PURA: variants seen among roughly 807,000 people sequenced by gnomAD.
The protein encoded by PURA is purine rich element binding protein A.
In PURA, 2 loss-of-function variants were observed where a neutral mutation model predicts 23.1. The observed-to-expected ratio is 0.09, with a 90% CI of 0.04 to 0.27. The LOEUF (loss-of-function observed/expected upper bound fraction) is 0.27. Ranked by LOEUF, PURA falls within the 10% of genes least tolerant of loss-of-function variation. The pLI is 1.00. For synonymous variants in PURA, 254 were observed against 205.9 expected, an observed-to-expected ratio of 1.23 and a Z score of -2.00; for missense variants, 187 against 449.7, an observed-to-expected ratio of 0.42 and a Z score of 5.28.
rs1763100824 is a variant in PURA, at chr5:140,117,581, A to G, written c.*2431A>G. The G allele has an allele frequency of 6.0e-6, 1 of 167,042 alleles. No homozygotes were observed. The highest frequency in any genetic ancestry group is 2.1e-4 in the South Asian group (1 of 4,824). The allele number at this position is 167,042 out of a possible 1,614,324, so 10.3% of individuals were successfully genotyped here. A position where few individuals can be genotyped will look rare whatever the true frequency, so the allele number is the denominator to read the frequency against. On this transcript the variant is annotated 3_prime_UTR_variant, in exon 1 of 1. Coordinates refer to ENST00000331327, the MANE Select transcript of PURA (RefSeq NM_005859.5). Reference sequence around the variant, plus strand: ...ATAGTAGCCAGCAATAAGTAGTGCAAGTCAACAAAAACACAGCAAACTTAG... The same window carrying G: ...ATAGTAGCCAGCAATAAGTAGTGCAGGTCAACAAAAACACAGCAAACTTAG...
chr5:140,115,182 CATGCAT>C lies in PURA; in HGVS notation c.*34_*39del. ...TGAATGAAACCCCCACACACACACA[CATGCAT>C]ACACACACACACACAGCCACACACA... On this transcript the variant is annotated 3_prime_UTR_variant, in exon 1 of 1. Transcript: ENST00000331327. The surrounding 1 kb of genome is among the most constrained non-coding windows in gnomAD (Gnocchi z 4.1). The C allele has an allele frequency of 2.6e-5, 31 of 1,174,502 alleles. No individual in the cohort carries two copies. Among genetic ancestry groups the C allele is most frequent in the Non-Finnish European group, 3.1e-5 (26 of 838,662 alleles). The allele number at this position is 1,174,502 out of a possible 1,614,324, so 72.8% of individuals were successfully genotyped here.
chr5:140,115,363 GTCCACTTTA>G lies in PURA; in HGVS notation c.*219_*227del, dbSNP rs1400827138. On this transcript the variant is annotated 3_prime_UTR_variant, in exon 1 of 1. Transcript: ENST00000331327. This position sits in a 1 kb window ranked among gnomAD's most constrained non-coding sequence, Gnocchi z 4.1. ...GACTTGCCACCCATCGCTGGATGTT[GTCCACTTTA>G]TCCACCATATAAAACAGTAAGCAGC... is the stretch of plus-strand genomic sequence containing the variant. 2.5e-6 allele frequency: 1 copy of G among 403,348 alleles called. No individual in the cohort carries two copies. Among genetic ancestry groups the G allele is most frequent in the Non-Finnish European group, 4.5e-6 (1 of 221,156 alleles). The allele number at this position is 403,348 out of a possible 1,614,324, so 25.0% of individuals were successfully genotyped here. A position where few individuals can be genotyped will look rare whatever the true frequency, so the allele number is the denominator to read the frequency against.
rs1460214736 is a variant in PURA, at chr5:140,123,702, G to A, written c.*8552G>A. The A allele has an allele frequency of 6.0e-6, 1 of 166,872 alleles. No homozygotes were observed. The highest frequency in any genetic ancestry group is 2.4e-5 in the African/African-American group (1 of 41,438). The allele number at this position is 166,872 out of a possible 1,614,324, so 10.3% of individuals were successfully genotyped here. ...AACTGTTTAAATAGACAAAGTTAAA[G>A]CTTAGGATAGGGAATATATATGTAT... On this transcript the variant is annotated 3_prime_UTR_variant, in exon 1 of 1. Transcript: ENST00000331327.
In PURA at chr5:140,120,217, TACAC is replaced by T. The variant is rs1386189456; in HGVS notation, c.*5069_*5072del. ...TTGGAGAGAGATGTATACACACACATACACATATATATGTATATATACATTGTGT... is the reference window on the plus strand; with the variant it reads ...TTGGAGAGAGATGTATACACACACATATATATATGTATATATACATTGTGT... On this transcript the variant is annotated 3_prime_UTR_variant, in exon 1 of 1. Coordinates refer to ENST00000331327, the MANE Select transcript of PURA (RefSeq NM_005859.5). 3 of 166,734 alleles carry T rather than the reference TACAC, an allele frequency of 1.8e-5. No homozygotes were observed. Among genetic ancestry groups the T allele is most frequent in the Non-Finnish European group, 4.4e-5 (3 of 67,924 alleles). 10.3% of individuals were successfully genotyped at this position (166,734 alleles called of 1,614,324 possible). A position where few individuals can be genotyped will look rare whatever the true frequency, so the allele number is the denominator to read the frequency against.
At position 140,121,087 on chromosome 5, in the gene PURA, C is replaced by T. The variant is rs1275359761; in HGVS notation, c.*5937C>T. On this transcript the variant is annotated 3_prime_UTR_variant, in exon 1 of 1. Transcript: ENST00000331327. The stretch of plus-strand genomic sequence containing the variant: ...TGTTTTGATAATTATTAGCAATTAG[C>T]TTATTTTGTAGCATTAGATGGAAAA... The T allele has an allele frequency of 1.2e-5, 2 of 166,878 alleles. No individual in the cohort carries two copies. Among genetic ancestry groups the T allele is most frequent in the African/African-American group, 4.8e-5 (2 of 41,426 alleles). 10.3% of individuals were successfully genotyped at this position (166,878 alleles called of 1,614,324 possible).
chr5:140,114,309 G>T lies in PURA; in HGVS notation c.128G>T (p.Ser43Ile). The change falls in exon 1 of 1, where the codon AGT becomes ATT. Residue 43 changes from serine (S) to isoleucine (I), a missense_variant. By Grantham distance (142) the Ser-to-Ile change is moderately radical. Coordinates refer to ENST00000331327, the MANE Select transcript of PURA (RefSeq NM_005859.5). ...GGGGGGGGGG[S>I]GGGGGGAPGG... Reference sequence around the variant, plus strand: ...GGTGGCGGCGGGGGCGGCGGCGGCAGTGGCGGCGGCGGCGGCGGGGCCCCA... The same window carrying T: ...GGTGGCGGCGGGGGCGGCGGCGGCATTGGCGGCGGCGGCGGCGGGGCCCCA... 7.7e-7 allele frequency: 1 copy of T among 1,303,760 alleles called. No individual in the cohort carries two copies. Among genetic ancestry groups the T allele is most frequent in the Non-Finnish European group, 9.7e-7 (1 of 1,033,296 alleles). 80.8% of individuals were successfully genotyped at this position (1,303,760 alleles called of 1,614,324 possible). A position where few individuals can be genotyped will look rare whatever the true frequency, so the allele number is the denominator to read the frequency against.
rs1763113098 is a variant in PURA at position 140,118,379 on chromosome 5, T to C, written c.*3229T>C. 2 of 167,024 alleles carry C rather than the reference T, an allele frequency of 1.2e-5. No individual in the cohort carries two copies. Among genetic ancestry groups the C allele is most frequent in the Non-Finnish European group, 2.9e-5 (2 of 68,066 alleles). 10.3% of individuals were successfully genotyped at this position (167,024 alleles called of 1,614,324 possible). On this transcript the variant is annotated 3_prime_UTR_variant, in exon 1 of 1. Transcript: ENST00000331327. ...CAGAGATCAGCCACCAGATTTGAAA[T>C]GCTTATGTATGTGTGTGTGTTTGGA...
rs1447203473 is a variant in PURA, at chr5:140,115,091, G to C, written c.910G>C (p.Glu304Gln). Residue 304 changes from glutamate (E) to glutamine (Q), a missense_variant, in exon 1 of 1, where the codon GAG (glutamate) becomes CAG (glutamine). By Grantham distance (29) the Glu-to-Gln change is conservative. Around this residue, in one of 9 missense-constraint regions of PURA, gnomAD observed 65 missense variants for 158.6 expected, o/e 0.41. Coordinates refer to ENST00000331327, the MANE Select transcript of PURA (RefSeq NM_005859.5). This position sits in a 1 kb window ranked among gnomAD's most constrained non-coding sequence, Gnocchi z 4.1. ...QLHQQQQQQQ[E>Q]ETAAATLLLQ... ...TCACCAGCAGCAACAGCAGCAGCAG[G>C]AGGAGACCGCCGCTGCCACCCTGCT... The C allele has an allele frequency of 2.5e-6, 4 of 1,610,924 alleles. No individual in the cohort carries two copies. The highest frequency in any genetic ancestry group is 1.7e-6 in the Non-Finnish European group (2 of 1,178,670).
rs1763109933 is a variant in PURA, at chr5:140,118,099, A to G, written c.*2949A>G. On this transcript the variant is annotated 3_prime_UTR_variant, in exon 1 of 1. Coordinates refer to ENST00000331327, the MANE Select transcript of PURA (RefSeq NM_005859.5). ...TAGTTGGTAAACCCTGTTTATGCTG[A>G]AACAAATAAGGAAATGGTATATTTG... is the stretch of plus-strand genomic sequence containing the variant. 6.0e-6 allele frequency: 1 copy of G among 166,774 alleles called. No homozygotes were observed. The highest frequency in any genetic ancestry group is 2.4e-5 in the African/African-American group (1 of 41,430). 10.3% of individuals were successfully genotyped at this position (166,774 alleles called of 1,614,324 possible). A position where few individuals can be genotyped will look rare whatever the true frequency, so the allele number is the denominator to read the frequency against.
rs1371464454 is a variant in PURA, at chr5:140,122,313, G to A, written c.*7163G>A. 1 of 166,440 alleles carries A rather than the reference G, an allele frequency of 6.0e-6. No homozygotes were observed. Among genetic ancestry groups the A allele is most frequent in the South Asian group, 2.1e-4 (1 of 4,814 alleles). 10.3% of individuals were successfully genotyped at this position (166,440 alleles called of 1,614,324 possible). Reference sequence around the variant, plus strand: ...ATCACACATACTATCTATTTTCTTGGGCTCTTGTTACAATGTAGTTTACCT... The same window carrying A: ...ATCACACATACTATCTATTTTCTTGAGCTCTTGTTACAATGTAGTTTACCT... On this transcript the variant is annotated 3_prime_UTR_variant, in exon 1 of 1. Transcript: ENST00000331327.
In PURA at chr5:140,116,657, TTTAA is replaced by T. The variant is rs1389251454; in HGVS notation, c.*1510_*1513del. ...TTTCCTTTAAAGATGTTTGTGTGCT[TTTAA>T]TTGACAACTAACTTCTTGCTGCTGT... On this transcript the variant is annotated 3_prime_UTR_variant, in exon 1 of 1. Coordinates refer to ENST00000331327, the MANE Select transcript of PURA (RefSeq NM_005859.5). The T allele has an allele frequency of 1.2e-5, 2 of 167,018 alleles. No individual in the cohort carries two copies. The highest frequency in any genetic ancestry group is 2.9e-5 in the Non-Finnish European group (2 of 68,104). 10.3% of individuals were successfully genotyped at this position (167,018 alleles called of 1,614,324 possible).
chr5:140,117,916 T>A lies in PURA; in HGVS notation c.*2766T>A, dbSNP rs1763106341. 1 of 167,088 alleles carries A rather than the reference T, an allele frequency of 6.0e-6. No individual in the cohort carries two copies. The highest frequency in any genetic ancestry group is 2.4e-5 in the African/African-American group (1 of 41,556). 10.4% of individuals were successfully genotyped at this position (167,088 alleles called of 1,614,324 possible). A position where few individuals can be genotyped will look rare whatever the true frequency, so the allele number is the denominator to read the frequency against. On this transcript the variant is annotated 3_prime_UTR_variant, in exon 1 of 1. Coordinates refer to ENST00000331327, the MANE Select transcript of PURA (RefSeq NM_005859.5). ...AGTGACTGTAAAGATGCTCTTTTTT[T>A]AAGCATCTCACTTTACCTCCCCAAG...
In PURA at chr5:140,117,723, C is replaced by G. The variant is rs976449599; in HGVS notation, c.*2573C>G. On this transcript the variant is annotated 3_prime_UTR_variant, in exon 1 of 1. Transcript: ENST00000331327. ...CTTCAGATTCTGCTTGGAATCCCAC[C>G]GGCTCAAGAAGCACATGTATTGTGC... 1 of 165,548 alleles carries G rather than the reference C, an allele frequency of 6.0e-6. No individual in the cohort carries two copies. Among genetic ancestry groups the G allele is most frequent in the Admixed American group, 6.6e-5 (1 of 15,266 alleles). 10.3% of individuals were successfully genotyped at this position (165,548 alleles called of 1,614,324 possible). A position where few individuals can be genotyped will look rare whatever the true frequency, so the allele number is the denominator to read the frequency against.
chr5:140,114,202 C>T lies in PURA; in HGVS notation c.21C>T (p.Gly7=). 3.3e-6 allele frequency: 3 copies of T among 899,006 alleles called. No homozygotes were observed. Among genetic ancestry groups the T allele is most frequent in the Non-Finnish European group, 4.3e-6 (3 of 696,686 alleles). The allele number at this position is 899,006 out of a possible 1,614,324, so 55.7% of individuals were successfully genotyped here. The part of the protein sequence containing the change: MADRDS[G]SEQGGAALGS... Reference sequence around the variant, plus strand: ...GCATCATGGCGGACCGAGACAGCGGCAGCGAGCAGGGTGGTGCGGCGCTGG... The same window carrying T: ...GCATCATGGCGGACCGAGACAGCGGTAGCGAGCAGGGTGGTGCGGCGCTGG... The change falls in exon 1 of 1, where the codon GGC becomes GGT. Residue 7 remains glycine, a synonymous_variant. Coordinates refer to ENST00000331327, the MANE Select transcript of PURA (RefSeq NM_005859.5).
In PURA at chr5:140,115,252, T is replaced by G; in HGVS notation, c.*102T>G. On this transcript the variant is annotated 3_prime_UTR_variant, in exon 1 of 1. Transcript: ENST00000331327. The surrounding 1 kb of genome is among the most constrained non-coding windows in gnomAD (Gnocchi z 4.1). ...GTAAAGAAAGAGAGAAAATAAAAAG[T>G]TAAAAAGTTAAAAAAAAAAAAAAAC... 1.3e-6 allele frequency: 1 copy of G among 785,428 alleles called. No individual in the cohort carries two copies. Among genetic ancestry groups the G allele is most frequent in the Non-Finnish European group, 1.8e-6 (1 of 549,878 alleles). 48.7% of individuals were successfully genotyped at this position (785,428 alleles called of 1,614,324 possible). A position where few individuals can be genotyped will look rare whatever the true frequency, so the allele number is the denominator to read the frequency against.
At position 140,114,264 on chromosome 5, in the gene PURA, C is replaced by T; in HGVS notation, c.83C>T (p.Ser28Leu). The T allele has an allele frequency of 8.3e-7, 1 of 1,208,322 alleles. No homozygotes were observed. The highest frequency in any genetic ancestry group is 1.0e-6 in the Non-Finnish European group (1 of 981,574). The allele number at this position is 1,208,322 out of a possible 1,614,324, so 74.9% of individuals were successfully genotyped here. ...TCCCTGGGGCACCCCGGCTCGGGCTCAGGCTCCGGCGGGGGCGGTGGTGGC... is the reference window on the plus strand; with the variant it reads ...TCCCTGGGGCACCCCGGCTCGGGCTTAGGCTCCGGCGGGGGCGGTGGTGGC... ...GGSLGHPGSG[S>L]GSGGGGGGGG... Residue 28 changes from serine (S) to leucine (L), a missense_variant, in exon 1 of 1, where the codon TCA (serine) becomes TTA (leucine). By Grantham distance (145) the Ser-to-Leu change is moderately radical (BLOSUM62 -2). Coordinates refer to ENST00000331327, the MANE Select transcript of PURA (RefSeq NM_005859.5).
At position 140,121,898 on chromosome 5, in the gene PURA, G is replaced by C. The variant is rs1763156577; in HGVS notation, c.*6748G>C. On this transcript the variant is annotated 3_prime_UTR_variant, in exon 1 of 1. Coordinates refer to ENST00000331327, the MANE Select transcript of PURA (RefSeq NM_005859.5). ...AATGTGTTTGTGGATGGGGGTTTGA[G>C]AGGTATATAGAGAATGGTTTGGAAA... 2 of 166,658 alleles carry C rather than the reference G, an allele frequency of 1.2e-5. No individual in the cohort carries two copies. The highest frequency in any genetic ancestry group is 4.8e-5 in the African/African-American group (2 of 41,394). The allele number at this position is 166,658 out of a possible 1,614,324, so 10.3% of individuals were successfully genotyped here.
chr5:140,117,102 G>A lies in PURA; in HGVS notation c.*1952G>A, dbSNP rs1763089201. Reference sequence around the variant, plus strand: ...TCTTCGTTTTTGAGATCTACTGTATGTGTTGAATAACAAGCTATTTTCATT... The same window carrying A: ...TCTTCGTTTTTGAGATCTACTGTATATGTTGAATAACAAGCTATTTTCATT... On this transcript the variant is annotated 3_prime_UTR_variant, in exon 1 of 1. Transcript: ENST00000331327. 1 of 166,960 alleles carries A rather than the reference G, an allele frequency of 6.0e-6. No homozygotes were observed. Among genetic ancestry groups the A allele is most frequent in the Admixed American group, 6.5e-5 (1 of 15,284 alleles). The allele number at this position is 166,960 out of a possible 1,614,324, so 10.3% of individuals were successfully genotyped here. A position where few individuals can be genotyped will look rare whatever the true frequency, so the allele number is the denominator to read the frequency against.
chr5:140,122,828 T>G lies in PURA; in HGVS notation c.*7678T>G, dbSNP rs1479868467. On this transcript the variant is annotated 3_prime_UTR_variant, in exon 1 of 1. Transcript: ENST00000331327. ...CTGTAATGTTTGTTTTTAAGTTACA[T>G]AATTCAAGTATGTTTGGATTAACTC... The G allele has an allele frequency of 1.2e-5, 2 of 166,866 alleles. No homozygotes were observed. The highest frequency in any genetic ancestry group is 4.8e-5 in the African/African-American group (2 of 41,466). The allele number at this position is 166,866 out of a possible 1,614,324, so 10.3% of individuals were successfully genotyped here. A position where few individuals can be genotyped will look rare whatever the true frequency, so the allele number is the denominator to read the frequency against.
Sources: gnomAD v4.1 joint callset for allele counts on GRCh38, gnomAD v4.1.1 for gene constraint, gnomAD v4.1.1 regional missense constraint, Gnocchi (gnomAD v3.1) non-coding constraint, MANE v1.5 for transcripts, NCBI Gene and HGNC (gene_info 2026-07-23, HGNC 2026-07-21) for gene names.